DDX11: variants seen among roughly 807,000 people sequenced by gnomAD.
DDX11 encodes the protein ATP-dependent DNA helicase DDX11.
In DDX11, 72 loss-of-function variants were observed where a neutral mutation model predicts 125.2. The ratio of observed to expected loss-of-function variants is 0.58; its 90% CI spans 0.48 to 0.70. DDX11 has a LOEUF of 0.70. Ranked by LOEUF, DDX11 falls within the 30% of genes least tolerant of loss-of-function variation. The probability of loss-of-function intolerance (pLI) is 0.00; values close to 1 mark genes in which losing one functional copy is unlikely to be tolerated. For synonymous variants in DDX11, 347 were observed against 452.6 expected, an observed-to-expected ratio of 0.77 and a Z score of 2.96; for missense variants, 883 against 1,165.0, an observed-to-expected ratio of 0.76 and a Z score of 3.52.
In DDX11 at chr12:31,104,095, T is replaced by G; in HGVS notation, c.*259T>G. On this transcript the variant is annotated 3_prime_UTR_variant, in exon 27 of 27. Coordinates refer to ENST00000542838, the MANE Select transcript of DDX11 (RefSeq NM_030653.4). ...CAGCTCCCCTCCTGGAATAGAATCT[T>G]TCTTTCCATCCTGCATGGCTGAGAG... 2.0e-6 allele frequency: 3 copies of G among 1,511,356 alleles called. No homozygotes were observed. The highest frequency in any genetic ancestry group is 1.3e-5 in the South Asian group (1 of 75,872). The allele number at this position is 1,511,356 out of a possible 1,614,324, so 93.6% of individuals were successfully genotyped here.
At chr12:31,093,009 GC>G (rs1182741899) in intron 11 of DDX11, 117 bp downstream of exon 11, 1 of 1,229,658 alleles carries the variant, frequency 8.1e-7, no homozygotes, top group East Asian at 2.4e-5. Flanking sequence ...GCGGGGTGGA[GC>G]TGCATGCCAT....
At chr12:31,079,467 C>G (rs1205246672) in intron 2 of DDX11, among the ~76,000 whole-genome samples, 1 of 138,698 alleles carries the variant, frequency 7.2e-6, no homozygotes, top group Non-Finnish European at 1.5e-5. Context: ...GGGTCTCTTC[C>G]TGGCTTGCAG....
chr12:31,078,022 A>G (rs1483137718), intron 1 of DDX11: 3 of 383,276 alleles, frequency 7.8e-6, no homozygotes, highest in South Asian at 2.1e-5. Flanking sequence ...GAAAGCTGCA[A>G]AAGTCATTAT....
intron 20 of DDX11, chr12:31,101,381 C>T (rs1190475582): frequency 1.4e-5 from 8 of 577,322 alleles, no homozygotes; most frequent in Admixed American, 5.8e-5. Context: ...CCTCTGAGGA[C>T]GCCTCACACA....
chr12:31,089,419 A>C lies in DDX11; in HGVS notation c.809A>C (p.Glu270Ala), dbSNP rs1943767940. The C allele has an allele frequency of 2.5e-6, 4 of 1,613,860 alleles. No individual in the cohort carries two copies. Among genetic ancestry groups the C allele is most frequent in the Non-Finnish European group, 3.4e-6 (4 of 1,179,878 alleles). The change falls in exon 8 of 27, where the codon GAA (glutamate) becomes GCA (alanine). Residue 270 changes from glutamate (E) to alanine (A), a missense_variant. Glu to Ala is a moderately radical substitution (Grantham distance 107). Coordinates refer to ENST00000542838, the MANE Select transcript of DDX11 (RefSeq NM_030653.4). ...LGSRQNLCVN[E>A]DVKSLGSVQL... ...TTGCTGCAGAACCTTTGTGTAAATG[A>C]AGACGTGAAAAGCCTAGGTTCTGTG...
At chr12:31,094,157 G>A (rs1027256745) in intron 12 of DDX11, 15 of 285,332 alleles carry the variant, frequency 5.3e-5, no homozygotes, top group African/African-American at 1.5e-4. Context: ...CTTGGAAGGC[G>A]TCTGTGGAAG....
chr12:31,095,157 AC>A (rs138059358), intron 14 of DDX11, among the ~76,000 whole-genome samples: 461 of 152,280 alleles, frequency 3.0e-3, no homozygotes, highest in African/African-American at 0.011. Context: ...AACCCCTGTC[AC>A]GTCTTCCCAC....
rs1196445283 is a variant in DDX11, at chr12:31,096,994, A to G, written c.1762+4A>G. 5.0e-6 allele frequency: 8 copies of G among 1,613,500 alleles called. No homozygotes were observed. The highest frequency in any genetic ancestry group is 6.8e-6 in the Non-Finnish European group (8 of 1,179,840). On this transcript the variant is annotated splice_donor_region_variant and intron_variant, in intron 17 of 26. Transcript: ENST00000542838. ...AGGGTCATCCTGAGCCGCCAAGGTA[A>G]TCAGGTGGTTCTTGGCCAGGTTCAG...
At chr12:31,081,130 T>G (rs764137225) in intron 2 of DDX11, among the ~76,000 whole-genome samples, 1 of 152,230 alleles carries the variant, frequency 6.6e-6, no homozygotes, top group African/African-American at 2.4e-5. Flanking sequence ...CTTCTGCGTC[T>G]TCTTCCTCTG....
chr12:31,090,131 T>C, intron 9 of DDX11, 37 bp downstream of exon 9: 2 of 1,548,464 alleles, frequency 1.3e-6, no homozygotes, highest in Non-Finnish European at 1.7e-6. Flanking sequence ...CGCTCTTGAC[T>C]CTCACTGTGG....
chr12:31,097,141 G>C (rs2140932419), intron 17 of DDX11, 151 bp downstream of exon 17: 1 of 1,151,542 alleles, frequency 8.7e-7, no homozygotes, highest in East Asian at 2.6e-5. Flanking sequence ...GCTGTGACCT[G>C]GGCAAGCAGT....
intron 9 of DDX11, chr12:31,091,406 G>T (rs1169899317): frequency 1.6e-5 from 5 of 322,354 alleles, no homozygotes; most frequent in Non-Finnish European, 2.3e-5. Flanking sequence ...TGGTCTGCAG[G>T]TGTTTGTGGA....
At chr12:31,099,051 A>G (rs1440035841) in intron 18 of DDX11, among the ~76,000 whole-genome samples, 1 of 143,454 alleles carries the variant, frequency 7.0e-6, no homozygotes, top group East Asian at 2.1e-4. Context: ...ATGTTTTCAG[A>G]ATGAATCCAT....
At chr12:31,083,412 C>G (rs1942420387) in intron 2 of DDX11, among the ~76,000 whole-genome samples, 1 of 152,150 alleles carries the variant, frequency 6.6e-6, no homozygotes, top group African/African-American at 2.4e-5. Context: ...CGCGCGGTCA[C>G]TCTGGCTCCC....
chr12:31,080,316 C>T (rs139732454), intron 2 of DDX11, among the ~76,000 whole-genome samples: 3 of 152,018 alleles, frequency 2.0e-5, no homozygotes, highest in Admixed American at 6.5e-5. Context: ...GGAGAGTCCC[C>T]CTCAGTGCCT....
rs767697352 is a variant in DDX11, at chr12:31,089,058, T to C, written c.699T>C (p.Ser233=). The part of the protein sequence containing the change: ...EEHITKIYYC[S]RTHSQLAQFV... ...CTCTCTGCTAGATTTATTACTGTAG[T>C]CGGACACACTCCCAGCTGGCCCAGT... The change falls in exon 7 of 27, where the codon AGT becomes AGC. Residue 233 remains serine (S), a synonymous_variant. Transcript: ENST00000542838. 9.9e-6 allele frequency: 16 copies of C among 1,613,842 alleles called. No individual in the cohort carries two copies. The highest frequency in any genetic ancestry group is 1.3e-5 in the Non-Finnish European group (15 of 1,179,834).
At chr12:31,091,893 G>A (rs185115376) in intron 10 of DDX11, 22 bp downstream of exon 10, 47 of 1,613,594 alleles carry the variant, frequency 2.9e-5, no homozygotes, top group East Asian at 4.5e-5. Flanking sequence ...TCCCCTCCCC[G>A]GGCCAGGGCC....
At chr12:31,090,182 G>T (rs1943956979) in intron 9 of DDX11, 88 bp downstream of exon 9, 9 of 1,149,238 alleles carry the variant, frequency 7.8e-6, no homozygotes, top group Non-Finnish European at 1.0e-5. Context: ...TGTAGTTTGG[G>T]GGATGCCCCC....
chr12:31,084,268 A>G (rs1371172170), intron 3 of DDX11, among the ~76,000 whole-genome samples: 1 of 152,178 alleles, frequency 6.6e-6, no homozygotes, highest in Non-Finnish European at 1.5e-5. Context: ...CACATAAGGA[A>G]CTGTTGGTGC....
Sources: allele counts gnomAD v4.1 joint callset (sites outside exome capture counted in the v4.1 genomes callset), GRCh38; gene constraint gnomAD v4.1.1; transcripts MANE v1.5; gene names NCBI Gene and HGNC (gene_info 2026-07-23, HGNC 2026-07-21).